The following GABRG3 variants were observed in gnomAD, a reference collection of about 807,000 sequenced individuals.
GABRG3 encodes gamma-aminobutyric acid receptor subunit gamma-3.
Under a neutral mutation model 48.8 loss-of-function variants are expected in GABRG3, and 25 were observed. The observed-to-expected ratio is 0.51, with a 90% CI of 0.37 to 0.72. The LOEUF is 0.72. GABRG3 is among the 30% of genes least tolerant of loss of function. The pLI, the probability that GABRG3 is intolerant of heterozygous loss-of-function variation, is 0.00. For missense variants in GABRG3, 394 were observed against 577.9 expected (o/e 0.68, Z 3.26); for synonymous variants, 227 against 217.6 (o/e 1.04, Z -0.38).
At chr15:27,391,085 C>T (rs748362155) in intron 5 of GABRG3, among the ~76,000 whole-genome samples, 2 of 149,226 alleles carry the variant, frequency 1.3e-5, no homozygotes, top group African/African-American at 2.5e-5. Flanking sequence ...GAGACTCCAT[C>T]TCAAAAAAAA....
intron 3 of GABRG3, among the ~76,000 whole-genome samples, chr15:27,261,608 AT>A (rs1271019960): frequency 1.3e-5 from 2 of 151,488 alleles, no homozygotes; most frequent in African/African-American, 2.4e-5. Context: ...TATGTAAAAT[AT>A]TTTTAAAACA....
chr15:26,972,323 C>T (rs1042083010), intron 1 of GABRG3, among the ~76,000 whole-genome samples: 4 of 152,154 alleles, frequency 2.6e-5, no homozygotes, highest in African/African-American at 9.7e-5. Context: ...CTAATGGGAG[C>T]TTAGAATCAC....
intron 6 of GABRG3, among the ~76,000 whole-genome samples, chr15:27,509,446 C>A (rs1374964058): frequency 6.6e-6 from 1 of 152,080 alleles, no homozygotes; most frequent in Admixed American, 6.6e-5. Context: ...ATTGTTTTCT[C>A]TTCTTCTTTT....
At chr15:26,977,262 T>A (rs1219688845) in intron 2 of GABRG3, 112 bp downstream of exon 2, 2 of 1,095,262 alleles carry the variant, frequency 1.8e-6, no homozygotes, top group Admixed American at 4.6e-5. Context: ...TGCAGAAAGG[T>A]TTCCTGTACT....
At chr15:27,083,003 G>C (rs7179121) in intron 3 of GABRG3, among the ~76,000 whole-genome samples, 32,691 of 152,136 alleles carry the variant, frequency 0.21, 3,658 homozygotes, top group Middle Eastern at 0.28. Flanking sequence ...CTTTATAAAG[G>C]CTGTCTGTGT....
Position 27,539,049 on chromosome 15 carries a change from A to G in GABRG3, c.*6168A>G, listed in dbSNP as rs966076793. 1 of 152,220 alleles carries G rather than the reference A, an allele frequency of 6.6e-6. No individual in the cohort carries two copies. Among genetic ancestry groups the G allele is most frequent in the Admixed American group, 6.5e-5 (1 of 15,284 alleles). 9.4% of individuals were successfully genotyped at this position (152,220 alleles called of 1,614,324 possible). ...TTTTTGTTAAACGTTTTTCCAATAC[A>G]TAGCAATGTGTAAAATAGACTCCCA... On this transcript the variant is annotated 3_prime_UTR_variant, in exon 10 of 10. Transcript: ENST00000615808.
chr15:27,460,618 C>G (rs983360729), intron 5 of GABRG3, among the ~76,000 whole-genome samples: 3 of 152,168 alleles, frequency 2.0e-5, no homozygotes, highest in South Asian at 2.1e-4. Context: ...AGGAGGGTAT[C>G]TTGAAGCAGA....
chr15:27,495,823 AT>A (rs1423745311), intron 6 of GABRG3, among the ~76,000 whole-genome samples: 3 of 152,174 alleles, frequency 2.0e-5, no homozygotes, highest in Non-Finnish European at 4.4e-5. Flanking sequence ...TCACCCTGGT[AT>A]TGGCATCTGT....
chr15:27,482,750 T>C lies in GABRG3; in HGVS notation c.712+1963T>C, dbSNP rs187105307. Among the ~76,000 whole-genome samples the C allele has an allele frequency of 1.9e-3, 297 of 152,326 alleles. 1 individual carries two copies. The highest frequency in any genetic ancestry group is 3.7e-3 in the Non-Finnish European group (253 of 68,040). ...TGCCAAGTTTTCAAGCTTATGTAAA[T>C]AATTCTACTAGGGAACTTATCTGTG... On this transcript the variant is annotated intron_variant, in intron 6 of 9. Coordinates refer to ENST00000615808, the MANE Select transcript of GABRG3 (RefSeq NM_033223.5).
chr15:27,017,613 T>C (rs1308803103), intron 2 of GABRG3, among the ~76,000 whole-genome samples: 1 of 152,208 alleles, frequency 6.6e-6, no homozygotes, highest in Admixed American at 6.5e-5. Flanking sequence ...CTTTCTTTCC[T>C]CAGGGAGAAG....
chr15:27,359,901 A>G lies in GABRG3; in HGVS notation c.574+31013A>G, dbSNP rs1355974196. ...TTAGTTCTGATACACATATTTCCAT[A>G]TACGTTTTTCTTGTTTGTTTGTTTG... is the stretch of plus-strand genomic sequence containing the variant. On this transcript the variant is annotated intron_variant, in intron 5 of 9. Transcript: ENST00000615808. 2.0e-5 allele frequency among the ~76,000 whole-genome samples: 3 copies of G among 152,156 alleles called. No individual in the cohort carries two copies. In the East Asian group the frequency reaches 5.8e-4, roughly 29 times the overall value.
At chr15:27,527,287 A>G (rs1891300258) in intron 7 of GABRG3, 146 bp from the exon 8 acceptor site, 1 of 610,180 alleles carries the variant, frequency 1.6e-6, no homozygotes. Context: ...TATGGACATT[A>G]AAATTCAAAG....
chr15:27,365,304 G>C (rs113759645), intron 5 of GABRG3: 2 of 126,822 alleles, frequency 1.6e-5, no homozygotes, highest in African/African-American at 6.4e-5. Context: ...CACAGACACA[G>C]ACACACACAC....
intron 6 of GABRG3, among the ~76,000 whole-genome samples, chr15:27,507,481 G>A (rs1890788056): frequency 6.6e-6 from 1 of 152,066 alleles, no homozygotes; most frequent in African/African-American, 2.4e-5. Context: ...TACAGCTTGG[G>A]TGACAGAGTG....
At chr15:27,466,837 T>C (rs1349577851) in intron 5 of GABRG3, among the ~76,000 whole-genome samples, 2 of 152,222 alleles carry the variant, frequency 1.3e-5, no homozygotes, top group African/African-American at 2.4e-5. Context: ...AGCCAAGGGC[T>C]GGAGACCCAT....
At chr15:27,487,553 C>T (rs763628676) in intron 6 of GABRG3, among the ~76,000 whole-genome samples, 7 of 152,122 alleles carry the variant, frequency 4.6e-5, no homozygotes, top group African/African-American at 1.2e-4. Flanking sequence ...GCCAGGGCCA[C>T]AAAGAGTTAA....
At chr15:27,210,099 C>T (rs1483135456) in intron 3 of GABRG3, among the ~76,000 whole-genome samples, 2 of 152,112 alleles carry the variant, frequency 1.3e-5, no homozygotes, top group Non-Finnish European at 2.9e-5. Context: ...CAGTTTGGAC[C>T]ATAACTATGG....
chr15:27,106,404 A>G (rs1897450256), intron 3 of GABRG3, among the ~76,000 whole-genome samples: 1 of 152,014 alleles, frequency 6.6e-6, no homozygotes, highest in Non-Finnish European at 1.5e-5. Context: ...TATACAATAA[A>G]ATTATTTTAA....
intron 3 of GABRG3, among the ~76,000 whole-genome samples, chr15:27,167,108 G>A (rs188273): frequency 0.23 from 35,642 of 151,930 alleles, 5,457 homozygotes; most frequent in Non-Finnish European, 0.34. Context: ...CTGTGTCCCC[G>A]GCTACTGCAC....
Sources: gnomAD v4.1 joint callset for allele counts (sites outside exome capture counted in the v4.1 genomes callset) on GRCh38, gnomAD v4.1.1 for gene constraint, MANE v1.5 for transcripts, NCBI Gene and HGNC (gene_info 2026-07-23, HGNC 2026-07-21) for gene names.